Variants in GRIK3 observed in about 807,000 individuals in gnomAD.
GRIK3 encodes the protein glutamate ionotropic receptor kainate type subunit 3.
GRIK3 carries 29 observed loss-of-function variants against 102.5 expected under a neutral mutation model. The observed-to-expected ratio is 0.28, with a 90% CI of 0.21 to 0.39. The LOEUF is 0.39. Ranked by LOEUF, GRIK3 falls within the 10% of genes least tolerant of loss-of-function variation. The pLI is 1.00. For missense variants in GRIK3, 908 were observed against 1,252.4 expected, an observed-to-expected ratio of 0.73 and a Z score of 4.15; for synonymous variants, 511 against 504.9, an observed-to-expected ratio of 1.01 and a Z score of -0.16.
chr1:36,880,672 T>A lies in GRIK3; in HGVS notation c.512A>T (p.Lys171Met). 4 of 1,614,140 alleles carry A rather than the reference T, an allele frequency of 2.5e-6. No homozygotes were observed. The highest frequency in any genetic ancestry group is 3.3e-5 in the Admixed American group (2 of 60,022). The change falls in exon 3 of 16, where the codon AAG (lysine) becomes ATG (methionine). Residue 171 changes from lysine to methionine, a missense_variant. Lys to Met is a moderately conservative substitution (Grantham distance 95). Coordinates refer to ENST00000373091, the MANE Select transcript of GRIK3 (RefSeq NM_000831.4). This position sits in a 1 kb window ranked among gnomAD's most constrained non-coding sequence, Gnocchi z 5.4. ...HAILDLVQYL[K>M]WRSATVVYDD... ...ATAGACCACGGTGGCTGACCGCCAC[T>A]TGAGGTACTGGACCAGGTCGAGGAT...
At chr1:36,882,730 A>G (rs1640995897) in intron 2 of GRIK3, among the ~76,000 whole-genome samples, 1 of 152,214 alleles carries the variant, frequency 6.6e-6, no homozygotes, top group Non-Finnish European at 1.5e-5. Context: ...CAAGGAAGTA[A>G]CAGCTGGAGC....
At chr1:36,892,121 C>T (rs1486698144) in intron 1 of GRIK3, among the ~76,000 whole-genome samples, 1 of 152,190 alleles carries the variant, frequency 6.6e-6, no homozygotes, top group South Asian at 2.1e-4. Flanking sequence ...CGGGTTCAAG[C>T]GGTTCTCCAA....
At chr1:36,954,570 C>T (rs990767920) in intron 1 of GRIK3, among the ~76,000 whole-genome samples, 16 of 152,106 alleles carry the variant, frequency 1.1e-4, no homozygotes, top group Non-Finnish European at 8.8e-5. Flanking sequence ...GGGGTGGGGA[C>T]GGGGGCTGAG....
At chr1:36,967,809 G>T (rs908338043) in intron 1 of GRIK3, among the ~76,000 whole-genome samples, 9 of 152,184 alleles carry the variant, frequency 5.9e-5, no homozygotes, top group Admixed American at 5.9e-4. Flanking sequence ...ATAACATGGG[G>T]CTAATAATAG....
chr1:36,983,331 A>C (rs1396332515), intron 1 of GRIK3, among the ~76,000 whole-genome samples: 1 of 151,746 alleles, frequency 6.6e-6, no homozygotes, highest in Non-Finnish European at 1.5e-5. Flanking sequence ...CCATGCACAC[A>C]CTCCCACACG....
chr1:36,948,537 C>T (rs562447589), intron 1 of GRIK3, among the ~76,000 whole-genome samples: 8 of 152,192 alleles, frequency 5.3e-5, no homozygotes, highest in African/African-American at 9.7e-5. Context: ...CAACCCCTGC[C>T]TCCATGCACC....
chr1:36,998,688 A>G (rs1300052055), intron 1 of GRIK3, among the ~76,000 whole-genome samples: 1 of 152,188 alleles, frequency 6.6e-6, no homozygotes, highest in East Asian at 1.9e-4. Context: ...AGGAACTTCT[A>G]CAAAAGCTCA....
At chr1:36,895,257 A>G (rs1641160619) in intron 1 of GRIK3, among the ~76,000 whole-genome samples, 1 of 152,240 alleles carries the variant, frequency 6.6e-6, no homozygotes, top group Non-Finnish European at 1.5e-5. Context: ...ACTAAAAGGC[A>G]TAAAAACCAT....
In GRIK3 at chr1:36,795,641, G is replaced by T. The variant is rs1642356309; in HGVS notation, c.*6210C>A. ...AAAAGGAAAATAATCAGATTTGTTT[G>T]GAAATTTATTTACATCAGCCTAGAA... On this transcript the variant is annotated 3_prime_UTR_variant, in exon 16 of 16. Coordinates refer to ENST00000373091, the MANE Select transcript of GRIK3 (RefSeq NM_000831.4). 1 of 152,138 alleles carries T rather than the reference G, an allele frequency of 6.6e-6. No homozygotes were observed. The highest frequency in any genetic ancestry group is 2.4e-5 in the African/African-American group (1 of 41,412). The allele number at this position is 152,138 out of a possible 1,614,324, so 9.4% of individuals were successfully genotyped here.
intron 1 of GRIK3, among the ~76,000 whole-genome samples, chr1:37,012,508 G>C (rs906276950): frequency 6.6e-6 from 1 of 152,214 alleles, no homozygotes; most frequent in African/African-American, 2.4e-5. Context: ...CCAGGAAGAG[G>C]GTTACATGTT....
intron 1 of GRIK3, among the ~76,000 whole-genome samples, chr1:36,933,383 G>A (rs1258454686): frequency 2.0e-5 from 3 of 152,218 alleles, no homozygotes; most frequent in Non-Finnish European, 4.4e-5. Flanking sequence ...CTGCTGATGG[G>A]GAGGGATGTT....
chr1:36,827,473 A>G (rs1642767659), intron 10 of GRIK3, among the ~76,000 whole-genome samples: 1 of 152,072 alleles, frequency 6.6e-6, no homozygotes, highest in Non-Finnish European at 1.5e-5. Context: ...TTCCAAGGCA[A>G]TGCCTCCAGG....
chr1:36,872,132 G>T lies in GRIK3; in HGVS notation c.732+56C>A. ...ACACCCACATTTGGGAAGGGGACGT[G>T]GGAGAAGTGGCCAGCAGACCCCAGT... On this transcript the variant is annotated intron_variant, in intron 4 of 15. Transcript: ENST00000373091. This position sits in a 1 kb window ranked among gnomAD's most constrained non-coding sequence, Gnocchi z 5.9. 6.8e-7 allele frequency: 1 copy of T among 1,462,476 alleles called. No individual in the cohort carries two copies. Among genetic ancestry groups the T allele is most frequent in the Non-Finnish European group, 9.2e-7 (1 of 1,083,072 alleles). 90.6% of individuals were successfully genotyped at this position (1,462,476 alleles called of 1,614,324 possible).
chr1:36,943,166 G>A (rs1444172867), intron 1 of GRIK3, among the ~76,000 whole-genome samples: 1 of 145,698 alleles, frequency 6.9e-6, no homozygotes, highest in African/African-American at 2.5e-5. Context: ...GAGGAGACTG[G>A]ACTAGACCTA....
intron 13 of GRIK3, among the ~76,000 whole-genome samples, chr1:36,809,587 CTTCTCT>C (rs961182875): frequency 2.8e-4 from 43 of 152,340 alleles, no homozygotes; most frequent in African/African-American, 1.0e-3. Flanking sequence ...ATAAGCACTT[CTTCTCT>C]TTCTCTAAAC....
intron 1 of GRIK3, among the ~76,000 whole-genome samples, chr1:37,014,834 C>CTCTTCTCTTTTCTTT: frequency 6.8e-6 from 1 of 147,454 alleles, no homozygotes; most frequent in East Asian, 2.0e-4. Context: ...GCCATTTAGC[C>CTCTTCTCTTTTCTTT]TCTTTTCTTA....
At chr1:36,963,246 C>T (rs1423729431) in intron 1 of GRIK3, among the ~76,000 whole-genome samples, 1 of 152,132 alleles carries the variant, frequency 6.6e-6, no homozygotes, top group Non-Finnish European at 1.5e-5. Flanking sequence ...GCCCACTTGG[C>T]TCCATAAGTA....
At chr1:37,032,977 C>G (rs1235737683) in intron 1 of GRIK3, among the ~76,000 whole-genome samples, 1 of 152,184 alleles carries the variant, frequency 6.6e-6, no homozygotes, top group African/African-American at 2.4e-5. Context: ...TCGCCTGGTG[C>G]CAGGCGCTGG....
At chr1:36,918,290 C>A (rs747749548) in intron 1 of GRIK3, among the ~76,000 whole-genome samples, 1 of 152,182 alleles carries the variant, frequency 6.6e-6, no homozygotes, top group Non-Finnish European at 1.5e-5. Flanking sequence ...ATTCTGATAT[C>A]ATTCTCCTTT....
Sources: allele counts gnomAD v4.1 joint callset (sites outside exome capture counted in the v4.1 genomes callset), GRCh38; gene constraint gnomAD v4.1.1; non-coding constraint Gnocchi (gnomAD v3.1); transcripts MANE v1.5; gene names NCBI Gene and HGNC (gene_info 2026-07-23, HGNC 2026-07-21).